Variants in SLC4A7 observed in about 807,000 individuals in gnomAD.
The protein encoded by SLC4A7 is solute carrier family 4 member 7.
SLC4A7 carries 51 observed loss-of-function variants against 137.6 expected under a neutral mutation model. The observed-to-expected ratio is 0.37, with a 90% CI of 0.30 to 0.47. The LOEUF is 0.47. Ranked by LOEUF, SLC4A7 falls within the 20% of genes least tolerant of loss-of-function variation. The pLI, the probability that SLC4A7 is intolerant of heterozygous loss-of-function variation, is 1.00. For missense variants in SLC4A7, 1,247 were observed against 1,525.4 expected (o/e 0.82, Z 3.04); for synonymous variants, 542 against 518.6 (o/e 1.05, Z -0.61).
intron 25 of SLC4A7, 35 bp downstream of exon 25, chr3:27,379,214 C>T: frequency 8.6e-7 from 1 of 1,158,684 alleles, no homozygotes; most frequent in Non-Finnish European, 1.2e-6. Flanking sequence ...TGAAAATTGG[C>T]TACAGTTAGA....
intron 2 of SLC4A7, among the ~76,000 whole-genome samples, chr3:27,450,255 G>C (rs1265560723): frequency 2.0e-5 from 3 of 152,024 alleles, no homozygotes; most frequent in African/African-American, 7.2e-5. Flanking sequence ...CTCGATAAAT[G>C]TCTATGGAAT....
chr3:27,465,344 G>A (rs947298893), intron 1 of SLC4A7, among the ~76,000 whole-genome samples: 1 of 140,302 alleles, frequency 7.1e-6, no homozygotes, highest in African/African-American at 2.7e-5. Flanking sequence ...GTTTTAAGTA[G>A]ATACAACTTT....
rs1011261054 is a variant in SLC4A7 at position 27,431,067 on chromosome 3, T to C, written c.1150+231A>G. On this transcript the variant is annotated intron_variant, in intron 7 of 25. Coordinates refer to ENST00000454389, the MANE Select transcript of SLC4A7 (RefSeq NM_001321103.2). ...GTAAAAGCAATTGAGTTCTTGCCAC[T>C]GAAAGTAATTTTTGCCATTGAAAGT... 8.5e-5 allele frequency among the ~76,000 whole-genome samples: 13 copies of C among 152,296 alleles called. No homozygotes were observed. In the East Asian group the frequency reaches 1.9e-3, roughly 23 times the overall value.
intron 3 of SLC4A7, among the ~76,000 whole-genome samples, chr3:27,439,300 A>G (rs1477305916): frequency 6.6e-6 from 1 of 152,206 alleles, no homozygotes; most frequent in Non-Finnish European, 1.5e-5. Flanking sequence ...GGAAAATAAA[A>G]GAATAGGAGG....
At chr3:27,467,161 C>G (rs2059043722) in intron 1 of SLC4A7, among the ~76,000 whole-genome samples, 1 of 152,108 alleles carries the variant, frequency 6.6e-6, no homozygotes, top group Non-Finnish European at 1.5e-5. Flanking sequence ...GTCCCACTTC[C>G]AGGGACAATG....
At chr3:27,474,515 G>A (rs1221383368) in intron 1 of SLC4A7, among the ~76,000 whole-genome samples, 3 of 152,068 alleles carry the variant, frequency 2.0e-5, no homozygotes, top group Admixed American at 1.3e-4. Context: ...TTTGAGACCA[G>A]TCTGGCCAAC....
intron 24 of SLC4A7, among the ~76,000 whole-genome samples, chr3:27,381,914 C>A (rs2150019632): frequency 6.6e-6 from 1 of 152,110 alleles, no homozygotes; most frequent in Middle Eastern, 3.4e-3. Flanking sequence ...CATGGTGAAA[C>A]CCCATCTCTA....
At chr3:27,443,592 GAAGTTT>G (rs1290465454) in intron 3 of SLC4A7, among the ~76,000 whole-genome samples, 1 of 151,700 alleles carries the variant, frequency 6.6e-6, no homozygotes, top group African/African-American at 2.4e-5. Flanking sequence ...TTCTTAGCTA[GAAGTTT>G]AAGTCACTGA....
intron 1 of SLC4A7, among the ~76,000 whole-genome samples, chr3:27,464,722 G>A (rs796125658): frequency 6.6e-6 from 1 of 151,866 alleles, no homozygotes; most frequent in Non-Finnish European, 1.5e-5. Flanking sequence ...CCAGCCCAGC[G>A]CGGTCGCTAA....
chr3:27,399,474 G>T (rs150846211), intron 16 of SLC4A7, among the ~76,000 whole-genome samples: 2 of 152,036 alleles, frequency 1.3e-5, no homozygotes, highest in Non-Finnish European at 2.9e-5. Flanking sequence ...TCATTCTGTC[G>T]CCCAGGCTGG....
chr3:27,377,704 T>C (rs1245081240), intron 25 of SLC4A7, among the ~76,000 whole-genome samples: 1 of 152,222 alleles, frequency 6.6e-6, no homozygotes. Context: ...ACCTATTCTA[T>C]ATTTTCAAGT....
chr3:27,415,220 T>C (rs1169399318), intron 11 of SLC4A7, among the ~76,000 whole-genome samples: 1 of 152,200 alleles, frequency 6.6e-6, no homozygotes, highest in East Asian at 1.9e-4. Context: ...CATTGTCTAA[T>C]ATCAAAAAGA....
chr3:27,389,838 ATT>A, intron 22 of SLC4A7, 91 bp downstream of exon 22: 1 of 978,854 alleles, frequency 1.0e-6, no homozygotes, highest in Non-Finnish European at 1.5e-6. Context: ...AAAACGCATT[ATT>A]CTTTTTCTCA....
intron 5 of SLC4A7, 64 bp from the exon 6 acceptor site, chr3:27,434,168 G>T: frequency 1.6e-6 from 2 of 1,214,456 alleles, no homozygotes; most frequent in Non-Finnish European, 2.3e-6. Context: ...GGAATAAACT[G>T]TGAGTGAAAC....
chr3:27,449,965 G>A (rs2057954944), intron 2 of SLC4A7, among the ~76,000 whole-genome samples: 1 of 152,138 alleles, frequency 6.6e-6, no homozygotes, highest in South Asian at 2.1e-4. Context: ...TTGCGAAGTT[G>A]CTGACTCACT....
intron 1 of SLC4A7, among the ~76,000 whole-genome samples, chr3:27,457,351 T>G (rs1209833802): frequency 1.3e-5 from 2 of 152,172 alleles, no homozygotes; most frequent in African/African-American, 4.8e-5. Context: ...TTTACATTTT[T>G]ACAAATCTCT....
rs1397387484 is a variant in SLC4A7 at position 27,403,372 on chromosome 3, A to G, written c.2088T>C (p.Leu696=). 1.9e-6 allele frequency: 3 copies of G among 1,586,458 alleles called. No homozygotes were observed. The African/African-American group carries it at 4.1e-5, about 22-fold the overall frequency. ...ILYKFCRDYQ[L]SYLSLRTSIG... is the part of the protein sequence containing the mutation. The stretch of plus-strand genomic sequence containing the variant: ...TACTGGTTCTTAAAGACAGATAAGA[A>G]AGTTGATAATCTCTGTTTAGAAAGA... The change falls in exon 15 of 26, where the codon CTT becomes CTC. Residue 696 remains leucine (L), a synonymous_variant. Transcript: ENST00000454389.
At position 27,395,024 on chromosome 3, in the gene SLC4A7, C is replaced by T. The variant is rs746104271; in HGVS notation, c.2795G>A (p.Cys932Tyr). 5 of 1,612,574 alleles carry T rather than the reference C, an allele frequency of 3.1e-6. No homozygotes were observed. The highest frequency in any genetic ancestry group is 1.7e-5 in the Admixed American group (1 of 59,768). ...LLIAAIPALL[C>Y]TILIFMDQQI... is the part of the protein sequence containing the mutation. ...TTGATCCATAAAGATGAGAATGGTA[C>T]AAAGCAAAGCAGGAATAGCAGCTAT... The change falls in exon 19 of 26, where the codon TGT becomes TAT. Residue 932 changes from cysteine to tyrosine, a missense_variant. Physicochemically the swap from Cys to Tyr is radical, Grantham distance 194. Around this residue, in one of 6 missense-constraint regions of SLC4A7, gnomAD observed 48 missense variants for 97.2 expected, o/e 0.49. Coordinates refer to ENST00000454389, the MANE Select transcript of SLC4A7 (RefSeq NM_001321103.2).
intron 3 of SLC4A7, among the ~76,000 whole-genome samples, chr3:27,447,640 C>T (rs1256389117): frequency 4.0e-5 from 4 of 99,720 alleles, no homozygotes; most frequent in East Asian, 6.4e-4. Flanking sequence ...TTTTACAGCC[C>T]TTTTTTTTTT....
Sources: allele counts gnomAD v4.1 joint callset (sites outside exome capture counted in the v4.1 genomes callset), GRCh38; gene constraint gnomAD v4.1.1; regional missense constraint gnomAD v4.1.1; transcripts MANE v1.5; gene names NCBI Gene and HGNC (gene_info 2026-07-23, HGNC 2026-07-21).